The following TJP3 variants were observed in gnomAD, a reference collection of about 807,000 sequenced individuals.
TJP3 encodes tight junction protein ZO-3.
TJP3 carries 85 observed loss-of-function variants against 104.2 expected under a neutral mutation model. The ratio of observed to expected loss-of-function variants is 0.82; its 90% CI spans 0.68 to 0.98. The LOEUF (loss-of-function observed/expected upper bound fraction) is 0.98. Ranked by LOEUF, TJP3 falls within the 50% of genes least tolerant of loss-of-function variation. The pLI, the probability that TJP3 is intolerant of heterozygous loss-of-function variation, is 0.00. For synonymous variants in TJP3, 550 were observed against 550.6 expected (o/e 1.00, Z 0.02); for missense variants, 1,367 against 1,322.8 (o/e 1.03, Z -0.52).
Position 3,730,560 on chromosome 19 carries a change from G to C in TJP3, c.467G>C (p.Arg156Pro), listed in dbSNP as rs759665174. 1 of 1,605,504 alleles carries C rather than the reference G, an allele frequency of 6.2e-7. No individual in the cohort carries two copies. Among genetic ancestry groups the C allele is most frequent in the South Asian group, 1.1e-5 (1 of 90,854 alleles). ...CGGCCGAGGCCTGGTCGCCGGGGCC[G>C]GGCCGGCAGCCATGGGCGTAGGAGC... Reference protein sequence around the residue: ...SRRPRPGRRGRAGSHGRRSPG... With the variant: ...SRRPRPGRRGPAGSHGRRSPG... Residue 156 changes from arginine (R) to proline (P), a missense_variant, in exon 5 of 21, where the codon CGG (arginine) becomes CCG (proline). By Grantham distance (103) the Arg-to-Pro change is moderately radical. Coordinates refer to ENST00000541714, the MANE Select transcript of TJP3 (RefSeq NM_001267560.2). This position sits in a 1 kb window ranked among gnomAD's most constrained non-coding sequence, Gnocchi z 7.3.
At chr19:3,710,438 C>A (rs1198249462) in intron 1 of TJP3, among the ~76,000 whole-genome samples, 1 of 152,180 alleles carries the variant, frequency 6.6e-6, no homozygotes, top group Non-Finnish European at 1.5e-5. Context: ...GGGTGGTGCT[C>A]TGGAGGCTGG....
chr19:3,733,777 C>T lies in TJP3; in HGVS notation c.742C>T (p.Leu248=). 6.2e-7 allele frequency: 1 copy of T among 1,614,252 alleles called. No homozygotes were observed. Among genetic ancestry groups the T allele is most frequent in the South Asian group, 1.1e-5 (1 of 91,086 alleles). ...GATCAACGGGGTGTCTAGCCAGAACCTGTCACTGAACGACACCCGGCGACT... is the reference window on the plus strand; with the variant it reads ...GATCAACGGGGTGTCTAGCCAGAACTTGTCACTGAACGACACCCGGCGACT... ...LQINGVSSQN[L]SLNDTRRLIE... Residue 248 remains leucine (L), a synonymous_variant, in exon 7 of 21, where the codon CTG becomes TTG. Coordinates refer to ENST00000541714, the MANE Select transcript of TJP3 (RefSeq NM_001267560.2).
At chr19:3,726,840 C>A (rs1001703301) in intron 1 of TJP3, among the ~76,000 whole-genome samples, 1 of 151,686 alleles carries the variant, frequency 6.6e-6, no homozygotes, top group Non-Finnish European at 1.5e-5. Flanking sequence ...AATCCCAGCA[C>A]TTTGGGAGGC....
At position 3,724,385 on chromosome 19, in the gene TJP3, C is replaced by T. The variant is rs534551500; in HGVS notation, c.-9-4039C>T. Among the ~76,000 whole-genome samples the T allele has an allele frequency of 2.0e-4, 30 of 152,190 alleles. No homozygotes were observed. The East Asian group carries it at 3.1e-3, about 16-fold the overall frequency. On this transcript the variant is annotated intron_variant, in intron 1 of 20. Transcript: ENST00000541714. ...TAATTTTTTGTATTTTTAGTAGAGA[C>T]GGGGTTTCACCATGTTAGCCAGGAT...
intron 1 of TJP3, chr19:3,721,568 G>C (rs996174262): frequency 9.3e-6 from 2 of 215,002 alleles, no homozygotes; most frequent in African/African-American, 4.6e-5. Flanking sequence ...CTCTGGCCGC[G>C]GCCGCCGGCC....
At position 3,730,756 on chromosome 19, in the gene TJP3, C is replaced by T. The variant is rs117091984; in HGVS notation, c.613+50C>T. On this transcript the variant is annotated intron_variant, in intron 5 of 20. Transcript: ENST00000541714. This position sits in a 1 kb window ranked among gnomAD's most constrained non-coding sequence, Gnocchi z 7.3. The stretch of plus-strand genomic sequence containing the variant: ...ACGATCAGTACTGGACACAGGGCAC[C>T]GTGGTCGGATGGGCGACGGTTTCAA... 49,892 of 1,533,354 alleles carry T rather than the reference C, an allele frequency of 0.033. 1,017 individuals carry two copies. Among genetic ancestry groups the T allele is most frequent in the Middle Eastern group, 0.07 (405 of 5,782 alleles). The allele number at this position is 1,533,354 out of a possible 1,614,324, so 95.0% of individuals were successfully genotyped here.
In TJP3 at chr19:3,746,717, G is replaced by C; in HGVS notation, c.2221+22G>C. The C allele has an allele frequency of 6.2e-7, 1 of 1,603,086 alleles. No individual in the cohort carries two copies. The highest frequency in any genetic ancestry group is 8.5e-7 in the Non-Finnish European group (1 of 1,174,852). On this transcript the variant is annotated intron_variant, in intron 17 of 20. Transcript: ENST00000541714. This position sits in a 1 kb window ranked among gnomAD's most constrained non-coding sequence, Gnocchi z 4.1. Reference sequence around the variant, plus strand: ...ACAGGTTGGGGGGTGGGTGTCCCAGGGTAGGCGGGTGGGCCCCAGCCTGAG... The same window carrying C: ...ACAGGTTGGGGGGTGGGTGTCCCAGCGTAGGCGGGTGGGCCCCAGCCTGAG...
chr19:3,748,671 C>G (rs529941875), intron 19 of TJP3, among the ~76,000 whole-genome samples: 1 of 148,682 alleles, frequency 6.7e-6, no homozygotes, highest in Non-Finnish European at 1.5e-5. Context: ...CAGGTTCAAA[C>G]GATTCTCCTG....
intron 1 of TJP3, among the ~76,000 whole-genome samples, chr19:3,715,097 T>G (rs1026666870): frequency 6.6e-6 from 1 of 151,298 alleles, no homozygotes; most frequent in African/African-American, 2.4e-5. Flanking sequence ...TGGTTGGTTT[T>G]TTTTTTTTTT....
intron 1 of TJP3, among the ~76,000 whole-genome samples, chr19:3,726,090 G>A (rs979675769): frequency 1.3e-5 from 2 of 152,256 alleles, no homozygotes; most frequent in Non-Finnish European, 2.9e-5. Flanking sequence ...TGCCTGGGCA[G>A]AGGGAATCAC....
chr19:3,724,667 G>A (rs1345311055), intron 1 of TJP3, among the ~76,000 whole-genome samples: 1 of 152,194 alleles, frequency 6.6e-6, no homozygotes, highest in Non-Finnish European at 1.5e-5. Flanking sequence ...CTCTCGAGGA[G>A]CTGGGACCAC....
chr19:3,722,527 A>G (rs2036551279), intron 1 of TJP3, among the ~76,000 whole-genome samples: 1 of 113,802 alleles, frequency 8.8e-6, no homozygotes, highest in South Asian at 3.1e-4. Flanking sequence ...AGGCATTACC[A>G]GGCAGAGGCA....
chr19:3,722,859 G>GGA (rs1247598935), intron 1 of TJP3, among the ~76,000 whole-genome samples: 6 of 129,640 alleles, frequency 4.6e-5, no homozygotes, highest in African/African-American at 1.9e-4. Flanking sequence ...GGGGTGGCGG[G>GGA]GGGGGGGGGC....
At chr19:3,715,374 C>T (rs1314515250) in intron 1 of TJP3, among the ~76,000 whole-genome samples, 1 of 152,122 alleles carries the variant, frequency 6.6e-6, no homozygotes. Context: ...CAGGTGTGAG[C>T]CACCGCGCCC....
chr19:3,731,022 C>A (rs955634163), intron 5 of TJP3, among the ~76,000 whole-genome samples: 1 of 152,176 alleles, frequency 6.6e-6, no homozygotes. Flanking sequence ...TCTTGCTCCT[C>A]GCTCCCCCCA....
intron 19 of TJP3, among the ~76,000 whole-genome samples, chr19:3,749,156 C>T (rs1901316499): frequency 6.6e-6 from 1 of 151,890 alleles, no homozygotes; most frequent in African/African-American, 2.4e-5. Context: ...GCGTGAGCCA[C>T]CGCACCTGGC....
chr19:3,735,869 A>C lies in TJP3; in HGVS notation c.1061A>C (p.Glu354Ala). 1.2e-6 allele frequency: 2 copies of C among 1,614,104 alleles called. No homozygotes were observed. The highest frequency in any genetic ancestry group is 1.7e-6 in the Non-Finnish European group (2 of 1,180,020). ...AAAGAGACTGGCTTTTCCCTTTCAG[A>C]GTTGCCCAGGGAAAGCAGCTATGAC... Reference protein sequence around the residue: ...TISEPDEQRSELPRESSYDIY... With the variant: ...TISEPDEQRSALPRESSYDIY... Residue 354 changes from glutamate to alanine, a missense_variant and splice_region_variant, in exon 10 of 21, where the codon GAG becomes GCG. Physicochemically the swap from Glu to Ala is moderately radical, Grantham distance 107. Transcript: ENST00000541714.
chr19:3,730,342 C>T lies in TJP3; in HGVS notation c.262-13C>T, dbSNP rs1212295330. On this transcript the variant is annotated splice_polypyrimidine_tract_variant and intron_variant, in intron 4 of 20. Coordinates refer to ENST00000541714, the MANE Select transcript of TJP3 (RefSeq NM_001267560.2). This position sits in a 1 kb window ranked among gnomAD's most constrained non-coding sequence, Gnocchi z 7.3. ...TGCCTGTAGCTGACCCTTCCTGTCC[C>T]CTCCTCTAACAGACAGTGAAACGTC... The T allele has an allele frequency of 2.0e-6, 3 of 1,507,158 alleles. No individual in the cohort carries two copies. Among genetic ancestry groups the T allele is most frequent in the South Asian group, 2.6e-5 (2 of 75,584 alleles). 93.4% of individuals were successfully genotyped at this position (1,507,158 alleles called of 1,614,324 possible). A position where few individuals can be genotyped will look rare whatever the true frequency, so the allele number is the denominator to read the frequency against.
At chr19:3,745,930 C>A in intron 15 of TJP3, 81 bp from the exon 16 acceptor site, 1 of 1,188,608 alleles carries the variant, frequency 8.4e-7, no homozygotes, top group South Asian at 1.3e-5. Flanking sequence ...GCTTCTTGAG[C>A]AGGGGAGGGG....
Sources: allele counts gnomAD v4.1 joint callset (sites outside exome capture counted in the v4.1 genomes callset), GRCh38; gene constraint gnomAD v4.1.1; non-coding constraint Gnocchi (gnomAD v3.1); transcripts MANE v1.5; gene names NCBI Gene and HGNC (gene_info 2026-07-23, HGNC 2026-07-21).